The following RPTOR variants were observed in gnomAD, a reference collection of about 807,000 sequenced individuals.
RPTOR encodes the protein regulatory associated protein of MTOR complex 1.
RPTOR carries 21 observed loss-of-function variants against 169.9 expected under a neutral mutation model. The observed-to-expected ratio is 0.12, with a 90% CI of 0.09 to 0.18. The LOEUF (loss-of-function observed/expected upper bound fraction) is 0.18, where lower values mean the gene tolerates loss of function less well. Ranked by LOEUF, RPTOR falls within the 10% of genes least tolerant of loss-of-function variation. The pLI is 1.00. For missense variants in RPTOR, 1,133 were observed against 1,855.9 expected (o/e 0.61, Z 7.16); for synonymous variants, 732 against 753.2 (o/e 0.97, Z 0.46).
intron 28 of RPTOR, among the ~76,000 whole-genome samples, chr17:80,955,828 T>G (rs1294005890): frequency 6.6e-6 from 1 of 152,116 alleles, no homozygotes; most frequent in African/African-American, 2.4e-5. Flanking sequence ...TGACTGGCAG[T>G]TCCGTTCTAG....
Position 80,821,624 on chromosome 17 carries a change from G to A in RPTOR, c.891-577G>A, listed in dbSNP as rs17848626. 4.7e-4 allele frequency among the ~76,000 whole-genome samples: 72 copies of A among 152,248 alleles called. 2 individuals carry two copies. In the East Asian group the frequency reaches 0.013, roughly 28 times the overall value. ...GTCTCTGCGTCATCTGCCGTCACTT[G>A]CCACCTCTAATGTGTGCTTGTTCAT... On this transcript the variant is annotated intron_variant, in intron 7 of 33. Coordinates refer to ENST00000306801, the MANE Select transcript of RPTOR (RefSeq NM_020761.3).
At chr17:80,658,717 T>A (rs1260951075) in intron 3 of RPTOR, among the ~76,000 whole-genome samples, 1 of 149,522 alleles carries the variant, frequency 6.7e-6, no homozygotes, top group East Asian at 1.9e-4. Flanking sequence ...TCATGTTCTG[T>A]TCCGAGTTTT....
At chr17:80,657,903 G>A (rs1388136991) in intron 3 of RPTOR, among the ~76,000 whole-genome samples, 3 of 151,994 alleles carry the variant, frequency 2.0e-5, no homozygotes, top group African/African-American at 7.3e-5. Flanking sequence ...TTTGCATTAA[G>A]CAGTTTAAAA....
chr17:80,729,913 A>C (rs1337789422), intron 4 of RPTOR, among the ~76,000 whole-genome samples: 1 of 152,076 alleles, frequency 6.6e-6, no homozygotes, highest in Non-Finnish European at 1.5e-5. Context: ...CCACAGTGGG[A>C]ACTGAGACAG....
At chr17:80,662,360 G>A (rs1463856900) in intron 3 of RPTOR, among the ~76,000 whole-genome samples, 1 of 152,186 alleles carries the variant, frequency 6.6e-6, no homozygotes, top group East Asian at 1.9e-4. Flanking sequence ...TTAACTCAAA[G>A]CCTTGCAGGT....
chr17:80,892,661 A>C (rs745538037), intron 18 of RPTOR, 68 bp from the exon 19 acceptor site: 12 of 1,552,976 alleles, frequency 7.7e-6, no homozygotes, highest in Non-Finnish European at 9.7e-6. Context: ...CCAGCTGCTG[A>C]GTGTCAGAAG....
intron 1 of RPTOR, among the ~76,000 whole-genome samples, chr17:80,572,485 C>A (rs2064917620): frequency 6.6e-6 from 1 of 152,026 alleles, no homozygotes; most frequent in Non-Finnish European, 1.5e-5. Context: ...ATTTTAGGAG[C>A]TTTTATATAT....
At chr17:80,916,277 A>G (rs1009602766) in intron 21 of RPTOR, among the ~76,000 whole-genome samples, 1 of 152,212 alleles carries the variant, frequency 6.6e-6, no homozygotes, top group African/African-American at 2.4e-5. Context: ...GGGGCTCTGC[A>G]GTTCCTGGCG....
At chr17:80,675,964 G>T (rs996670730) in intron 3 of RPTOR, among the ~76,000 whole-genome samples, 5 of 152,100 alleles carry the variant, frequency 3.3e-5, no homozygotes, top group Non-Finnish European at 7.4e-5. Context: ...TTTTGAGAGT[G>T]TGAATTTCAC....
At chr17:80,951,996 C>T (rs1462726417) in intron 28 of RPTOR, among the ~76,000 whole-genome samples, 6 of 152,202 alleles carry the variant, frequency 3.9e-5, no homozygotes, top group Non-Finnish European at 7.3e-5. Flanking sequence ...GACAGGTGGG[C>T]GTTCCTGGGA....
intron 14 of RPTOR, 137 bp downstream of exon 14, chr17:80,880,626 G>C (rs2068176492): frequency 1.5e-5 from 11 of 723,344 alleles, no homozygotes; most frequent in Non-Finnish European, 2.6e-5. Flanking sequence ...CACGTCCACG[G>C]GGTCAGCAAC....
chr17:80,826,541 G>A (rs1040719710), intron 9 of RPTOR, among the ~76,000 whole-genome samples: 3 of 152,242 alleles, frequency 2.0e-5, no homozygotes, highest in African/African-American at 7.2e-5. Flanking sequence ...CAGGTACAGC[G>A]GAGTGAACTG....
chr17:80,595,392 G>A (rs2065137530), intron 1 of RPTOR, among the ~76,000 whole-genome samples: 1 of 152,232 alleles, frequency 6.6e-6, no homozygotes, highest in Non-Finnish European at 1.5e-5. Context: ...GGACGTGCCT[G>A]TTCTTTATTA....
chr17:80,775,190 A>G (rs1057301552), intron 6 of RPTOR, among the ~76,000 whole-genome samples: 1 of 152,048 alleles, frequency 6.6e-6, no homozygotes, highest in African/African-American at 2.4e-5. Flanking sequence ...TTTTACTCCC[A>G]CTTCCTTCTT....
At chr17:80,806,591 T>C (rs1033613493) in intron 7 of RPTOR, among the ~76,000 whole-genome samples, 3 of 152,204 alleles carry the variant, frequency 2.0e-5, no homozygotes, top group South Asian at 2.1e-4. Flanking sequence ...TCTACTCTTA[T>C]GTTAATTGGG....
intron 1 of RPTOR, among the ~76,000 whole-genome samples, chr17:80,569,429 G>A (rs972327023): frequency 6.6e-6 from 1 of 152,180 alleles, no homozygotes; most frequent in Non-Finnish European, 1.5e-5. Flanking sequence ...GGAGGCTGAG[G>A]CAGGAGAATC....
chr17:80,934,730 AC>A (rs558720320), intron 24 of RPTOR, among the ~76,000 whole-genome samples: 20 of 152,286 alleles, frequency 1.3e-4, no homozygotes, highest in African/African-American at 4.8e-4. Context: ...ACTGTACCAA[AC>A]CTTTAAGGAG....
At chr17:80,608,716 C>T (rs976788307) in intron 1 of RPTOR, among the ~76,000 whole-genome samples, 7 of 152,196 alleles carry the variant, frequency 4.6e-5, no homozygotes, top group East Asian at 3.9e-4. Context: ...GGCACTTTCC[C>T]CCCTTCTTGG....
At chr17:80,821,780 A>T (rs1360822804) in intron 7 of RPTOR, among the ~76,000 whole-genome samples, 2 of 152,182 alleles carry the variant, frequency 1.3e-5, no homozygotes, top group African/African-American at 4.8e-5. Flanking sequence ...CTTGCGGGCG[A>T]GACTCCTCCC....
Sources: allele counts gnomAD v4.1 joint callset (sites outside exome capture counted in the v4.1 genomes callset), GRCh38; gene constraint gnomAD v4.1.1; transcripts MANE v1.5; gene names NCBI Gene and HGNC (gene_info 2026-07-23, HGNC 2026-07-21).